PTK7: variants seen among roughly 807,000 people sequenced by gnomAD.
PTK7 encodes the protein protein tyrosine kinase 7 (inactive).
Under a neutral mutation model 116.6 loss-of-function variants are expected in PTK7, and 39 were observed. The observed-to-expected ratio is 0.33, with a 90% CI of 0.26 to 0.44. The LOEUF is 0.44. Among genes scored for constraint, PTK7 ranks in the 20% least tolerant of loss-of-function variants. The pLI, the probability that PTK7 is intolerant of heterozygous loss-of-function variation, is 1.00. For missense variants in PTK7, 1,169 were observed against 1,425.6 expected, an observed-to-expected ratio of 0.82 and a Z score of 2.90; for synonymous variants, 546 against 563.6, an observed-to-expected ratio of 0.97 and a Z score of 0.44.
At position 43,129,902 on chromosome 6, in the gene PTK7, T is replaced by C. The variant is rs981820625; in HGVS notation, c.470+73T>C. The C allele has an allele frequency of 2.8e-6, 4 of 1,411,506 alleles. No individual in the cohort carries two copies. The highest frequency in any genetic ancestry group is 1.8e-4 in the Middle Eastern group (1 of 5,668). 87.4% of individuals were successfully genotyped at this position (1,411,506 alleles called of 1,614,324 possible). A position where few individuals can be genotyped will look rare whatever the true frequency, so the allele number is the denominator to read the frequency against. ...ATGTCTCCCCAAATCTTGGACTCTA[T>C]GCGGATGTTACCTCGCTCCATTCTG... On this transcript the variant is annotated intron_variant, in intron 3 of 19. Coordinates refer to ENST00000230419, the MANE Select transcript of PTK7 (RefSeq NM_002821.5). The surrounding 1 kb of genome is among the most constrained non-coding windows in gnomAD (Gnocchi z 4.5).
intron 1 of PTK7, among the ~76,000 whole-genome samples, chr6:43,100,016 T>G (rs1053470783): frequency 1.2e-4 from 19 of 152,128 alleles, no homozygotes; most frequent in African/African-American, 4.1e-4. Context: ...CTTGGCTAGT[T>G]TTTTGTATTT....
At chr6:43,131,485 C>T (rs1769679337) in intron 5 of PTK7, among the ~76,000 whole-genome samples, 1 of 152,160 alleles carries the variant, frequency 6.6e-6, no homozygotes, top group South Asian at 2.1e-4. Context: ...GCTGGGCAAG[C>T]CTCACAATCA....
chr6:43,096,495 C>T (rs750272431), intron 1 of PTK7, among the ~76,000 whole-genome samples: 2 of 152,168 alleles, frequency 1.3e-5, no homozygotes, highest in Non-Finnish European at 2.9e-5. Flanking sequence ...TTTGAGGTGC[C>T]TGGAACTAAG....
intron 1 of PTK7, among the ~76,000 whole-genome samples, chr6:43,104,674 C>T (rs930062523): frequency 6.6e-6 from 1 of 152,082 alleles, no homozygotes; most frequent in Non-Finnish European, 1.5e-5. Context: ...GTGATCCGCT[C>T]ACCTCAGCCT....
At chr6:43,137,966 C>T (rs1049937664) in intron 7 of PTK7, among the ~76,000 whole-genome samples, 2 of 152,062 alleles carry the variant, frequency 1.3e-5, no homozygotes, top group Admixed American at 6.6e-5. Flanking sequence ...GCCACCACAC[C>T]CGGCCAATGT....
At chr6:43,126,969 G>A (rs1769328581) in intron 1 of PTK7, among the ~76,000 whole-genome samples, 1 of 152,198 alleles carries the variant, frequency 6.6e-6, no homozygotes, top group South Asian at 2.1e-4. Context: ...GCACCTATGA[G>A]CATGTTGGGA....
Position 43,132,486 on chromosome 6 carries a change from T to C in PTK7, c.1027T>C (p.Cys343Arg). The C allele has an allele frequency of 6.2e-7, 1 of 1,604,050 alleles. No homozygotes were observed. Among genetic ancestry groups the C allele is most frequent in the Non-Finnish European group, 8.5e-7 (1 of 1,172,102 alleles). The change falls in exon 7 of 20, where the codon TGC (cysteine) becomes CGC (arginine). Residue 343 changes from cysteine to arginine, a missense_variant. Physicochemically the swap from Cys to Arg is radical, Grantham distance 180. This residue lies in a region of PTK7 where 487 missense variants were observed against 549.8 expected (regional missense o/e 0.89). Coordinates refer to ENST00000230419, the MANE Select transcript of PTK7 (RefSeq NM_002821.5). ...AGCTGGCAGCGAGGAGCGTGTGACCTGCCTTCCCCCCAAGGGTCTGCCAGA... is the reference window on the plus strand; with the variant it reads ...AGCTGGCAGCGAGGAGCGTGTGACCCGCCTTCCCCCCAAGGGTCTGCCAGA... The part of the protein sequence containing the change: ...FTAGSEERVT[C>R]LPPKGLPEPS...
chr6:43,142,523 T>G, intron 13 of PTK7: 1 of 691,338 alleles, frequency 1.4e-6, no homozygotes. Context: ...GTGTGTGTTG[T>G]GGGGGAGTGG....
chr6:43,102,450 G>A (rs1767637411), intron 1 of PTK7, among the ~76,000 whole-genome samples: 1 of 151,886 alleles, frequency 6.6e-6, no homozygotes, highest in Admixed American at 6.6e-5. Context: ...TTAGCCGGTT[G>A]TGTTGGCGGG....
At chr6:43,108,832 A>G (rs1768040072) in intron 1 of PTK7, among the ~76,000 whole-genome samples, 1 of 152,228 alleles carries the variant, frequency 6.6e-6, no homozygotes, top group African/African-American at 2.4e-5. Flanking sequence ...AGCCATCACT[A>G]ATCATTGCTA....
Position 43,139,140 on chromosome 6 carries a change from C to T in PTK7, c.1367C>T (p.Ser456Leu). 2 of 1,614,156 alleles carry T rather than the reference C, an allele frequency of 1.2e-6. No homozygotes were observed. The highest frequency in any genetic ancestry group is 1.7e-6 in the Non-Finnish European group (2 of 1,180,022). Residue 456 changes from serine (S) to leucine (L), a missense_variant, in exon 9 of 20, where the codon TCA becomes TTA. By Grantham distance (145) the Ser-to-Leu change is moderately radical (BLOSUM62 -2). Transcript: ENST00000230419. This position sits in a 1 kb window ranked among gnomAD's most constrained non-coding sequence, Gnocchi z 4.6. ...YRNQMLISED[S>L]RFEVFKNGTL... ...GGCCTCTCACCTGTGCTGCAGGACT[C>T]ACGGTTCGAGGTCTTCAAGAATGGG...
At position 43,141,082 on chromosome 6, in the gene PTK7, GT is replaced by G. The variant is rs34491615; in HGVS notation, c.1619-579del. Reference sequence around the variant, plus strand: ...CTGCAATAAACATCTTTAAGCCAAAGTTTTTTTCTGGATTTAGGTTTATTTC... The same window carrying G: ...CTGCAATAAACATCTTTAAGCCAAAGTTTTTTCTGGATTTAGGTTTATTTC... On this transcript the variant is annotated intron_variant, in intron 10 of 19. Transcript: ENST00000230419. This position sits in a 1 kb window ranked among gnomAD's most constrained non-coding sequence, Gnocchi z 4.9. 1.3e-5 allele frequency among the ~76,000 whole-genome samples: 2 copies of G among 151,432 alleles called. No individual in the cohort carries two copies. The highest frequency in any genetic ancestry group is 1.5e-5 in the Non-Finnish European group (1 of 67,896).
At chr6:43,153,756 G>A (rs952357625) in intron 17 of PTK7, among the ~76,000 whole-genome samples, 1 of 152,084 alleles carries the variant, frequency 6.6e-6, no homozygotes, top group African/African-American at 2.4e-5. Flanking sequence ...TTAACTTAAA[G>A]CCAGGTGCAG....
chr6:43,096,849 C>T (rs1767288614), intron 1 of PTK7, among the ~76,000 whole-genome samples: 1 of 138,588 alleles, frequency 7.2e-6, no homozygotes, highest in South Asian at 2.3e-4. Context: ...GTTGCTGAAT[C>T]ATTTGCATTC....
At chr6:43,160,048 A>G in intron 19 of PTK7, 82 bp downstream of exon 19, 1 of 1,438,104 alleles carries the variant, frequency 7.0e-7, no homozygotes, top group East Asian at 2.3e-5. Context: ...GGTTCAGCCT[A>G]CCTCCCTCTC....
chr6:43,159,101 G>C (rs1055822995), intron 18 of PTK7, 133 bp downstream of exon 18: 153 of 1,178,968 alleles, frequency 1.3e-4, no homozygotes, highest in Admixed American at 4.0e-4. Flanking sequence ...CTGGGATAGG[G>C]AAGAGCTTTC....
intron 1 of PTK7, among the ~76,000 whole-genome samples, chr6:43,093,131 A>G (rs1387091565): frequency 6.6e-6 from 1 of 151,300 alleles, no homozygotes; most frequent in Non-Finnish European, 1.5e-5. Context: ...AACAAGGCAG[A>G]CAGTCTATCT....
rs766105075 is a variant in PTK7 at position 43,132,115 on chromosome 6, G to A, written c.912G>A (p.Gln304=). ...CAGGGATCTACCGCTGCATTGGCCA[G>A]GGGCAGAGGGGCCCACCCATCATCC... ...RNAGIYRCIG[Q]GQRGPPIILE... is the part of the protein sequence containing the mutation. Residue 304 remains glutamine (Q), a synonymous_variant, in exon 6 of 20, where the codon CAG becomes CAA. Transcript: ENST00000230419. The A allele has an allele frequency of 1.2e-6, 2 of 1,613,746 alleles. No individual in the cohort carries two copies. The highest frequency in any genetic ancestry group is 1.7e-6 in the Non-Finnish European group (2 of 1,179,864).
intron 1 of PTK7, among the ~76,000 whole-genome samples, chr6:43,125,364 T>A (rs977201444): frequency 6.6e-6 from 1 of 152,110 alleles, no homozygotes; most frequent in South Asian, 2.1e-4. Flanking sequence ...ACCACAGCTA[T>A]GGAGCAGTCC....
Sources: allele counts gnomAD v4.1 joint callset (sites outside exome capture counted in the v4.1 genomes callset), GRCh38; gene constraint gnomAD v4.1.1; regional missense constraint gnomAD v4.1.1; non-coding constraint Gnocchi (gnomAD v3.1); transcripts MANE v1.5; gene names NCBI Gene and HGNC (gene_info 2026-07-23, HGNC 2026-07-21).